ARFRP1: variants seen among roughly 807,000 people sequenced by gnomAD.
ARFRP1 encodes the protein ADP-ribosylation factor-related protein 1.
Under a neutral mutation model 30.3 loss-of-function variants are expected in ARFRP1, and 19 were observed. The observed-to-expected ratio is 0.63, with a 90% CI of 0.44 to 0.92. ARFRP1 has a LOEUF of 0.92. ARFRP1 is among the 40% of genes least tolerant of loss of function. The probability of loss-of-function intolerance (pLI) is 0.00; values close to 1 mark genes in which losing one functional copy is unlikely to be tolerated. For synonymous variants in ARFRP1, 133 were observed against 114.2 expected, an observed-to-expected ratio of 1.16 and a Z score of -1.05; for missense variants, 245 against 267.5, an observed-to-expected ratio of 0.92 and a Z score of 0.59.
rs1436699384 is a variant in ARFRP1, at chr20:63,702,181, C to T, written c.301G>A (p.Asp101Asn). The T allele has an allele frequency of 6.2e-7, 1 of 1,612,086 alleles. No homozygotes were observed. Among genetic ancestry groups the T allele is most frequent in the South Asian group, 1.1e-5 (1 of 91,066 alleles). ...GCCAGCCTCTCCTCGTCGGTGGAGT[C>T]AATGACGTAGATGACGCCGTGACAC... ...AECHGVIYVI[D>N]STDEERLAES... Residue 101 changes from aspartate to asparagine, a missense_variant, in exon 5 of 8, where the codon GAC becomes AAC. Transcript: ENST00000622789.
In ARFRP1 at chr20:63,700,299, A is replaced by G; in HGVS notation, c.*144T>C. 1 of 1,231,820 alleles carries G rather than the reference A, an allele frequency of 8.1e-7. No homozygotes were observed. Among genetic ancestry groups the G allele is most frequent in the Non-Finnish European group, 1.1e-6 (1 of 894,834 alleles). 76.3% of individuals were successfully genotyped at this position (1,231,820 alleles called of 1,614,324 possible). A position where few individuals can be genotyped will look rare whatever the true frequency, so the allele number is the denominator to read the frequency against. ...CCTACGCTTTTCCAGACATAGAGGA[A>G]AGTTTGTCTTCGAGAAAACAAAGTA... On this transcript the variant is annotated 3_prime_UTR_variant, in exon 8 of 8. Coordinates refer to ENST00000622789, the MANE Select transcript of ARFRP1 (RefSeq NM_001267547.3).
intron 5 of ARFRP1, 98 bp from the exon 6 acceptor site, chr20:63,701,998 G>GGGGGCCCCCCCCCCCCC: frequency 1.7e-6 from 1 of 583,914 alleles, no homozygotes; most frequent in Non-Finnish European, 2.6e-6. Context: ...CACTCCCTCT[G>GGGGGCCCCCCCCCCCCC]CCCCCCCCCC....
At position 63,706,984 on chromosome 20, in the gene ARFRP1, G is replaced by A. The variant is rs2091509250; in HGVS notation, c.93+15C>T. 1 of 1,613,034 alleles carries A rather than the reference G, an allele frequency of 6.2e-7. No individual in the cohort carries two copies. Among genetic ancestry groups the A allele is most frequent in the East Asian group, 2.2e-5 (1 of 44,874 alleles). On this transcript the variant is annotated intron_variant, in intron 2 of 7. Coordinates refer to ENST00000622789, the MANE Select transcript of ARFRP1 (RefSeq NM_001267547.3). The stretch of plus-strand genomic sequence containing the variant: ...AGGCCGTGGGAAAGGTGCGCGCAAG[G>A]GCGTGGGCACTCACCGTCTTCCCAG...
intron 2 of ARFRP1, 107 bp from the exon 3 acceptor site, chr20:63,706,845 C>T (rs1568772158): frequency 7.8e-7 from 1 of 1,275,054 alleles, no homozygotes; most frequent in Non-Finnish European, 1.1e-6. Context: ...AACAGAGCAA[C>T]ACTCTGCTCT....
rs1267637990 is a variant in ARFRP1, at chr20:63,705,897, G to A, written c.264+460C>T. ...GAACATTCCCAGACACTTGTAAGAT[G>A]TTTAGGTTGTTAACATAATGTTCAG... On this transcript the variant is annotated intron_variant, in intron 4 of 7. Transcript: ENST00000622789. 7.8e-6 allele frequency: 3 copies of A among 385,946 alleles called. No individual in the cohort carries two copies. In the Admixed American group the frequency reaches 1.1e-4, roughly 14 times the overall value. The allele number at this position is 385,946 out of a possible 1,614,324, so 23.9% of individuals were successfully genotyped here.
In ARFRP1 at chr20:63,698,682, A is replaced by C. The variant is rs1482027480; in HGVS notation, c.*1761T>G. The C allele has an allele frequency of 3.2e-6, 4 of 1,249,750 alleles. No individual in the cohort carries two copies. The East Asian group carries it at 1.3e-4, about 39-fold the overall frequency. 77.4% of individuals were successfully genotyped at this position (1,249,750 alleles called of 1,614,324 possible). On this transcript the variant is annotated 3_prime_UTR_variant, in exon 8 of 8. Coordinates refer to ENST00000622789, the MANE Select transcript of ARFRP1 (RefSeq NM_001267547.3). ...CTTATTTTTATAAAGCTTTTTCATA[A>C]AACTGGTTGTAGTTGCACAGCTACT...
At position 63,702,150 on chromosome 20, in the gene ARFRP1, G is replaced by C; in HGVS notation, c.332C>G (p.Ser111Cys). 1 of 1,610,976 alleles carries C rather than the reference G, an allele frequency of 6.2e-7. No individual in the cohort carries two copies. ...DSTDEERLAESKQAFEKVVTS... is the reference protein window; with the variant it reads ...DSTDEERLAECKQAFEKVVTS... ...GCCGCACTCACCAAACGCCTGCTTG[G>C]ACTCAGCCAGCCTCTCCTCGTCGGT... The change falls in exon 5 of 8, where the codon TCC becomes TGC. Residue 111 changes from serine to cysteine, a missense_variant. Ser to Cys is a moderately radical substitution (Grantham distance 112). Transcript: ENST00000622789.
intron 2 of ARFRP1, 119 bp downstream of exon 2, chr20:63,706,880 T>C (rs1329224532): frequency 1.1e-5 from 15 of 1,314,218 alleles, no homozygotes; most frequent in African/African-American, 2.9e-5. Context: ...GTGACTATCC[T>C]GCCGTCTCAG....
chr20:63,701,363 C>T (rs1203453868), intron 6 of ARFRP1: 1 of 537,840 alleles, frequency 1.9e-6, no homozygotes, highest in Non-Finnish European at 3.8e-6. Flanking sequence ...GTGGCCAGTG[C>T]TCCCGGGGGC....
In ARFRP1 at chr20:63,700,226, G is replaced by A. The variant is rs889961701; in HGVS notation, c.*217C>T. 3.0e-6 allele frequency: 2 copies of A among 658,372 alleles called. No homozygotes were observed. The highest frequency in any genetic ancestry group is 3.0e-5 in the Admixed American group (1 of 33,644). 40.8% of individuals were successfully genotyped at this position (658,372 alleles called of 1,614,324 possible). Reference sequence around the variant, plus strand: ...CCCTGTGGAAAGGCTGCCGCTGCAGGGCCTGGGCCAGCCGGGCTGCCAGAC... The same window carrying A: ...CCCTGTGGAAAGGCTGCCGCTGCAGAGCCTGGGCCAGCCGGGCTGCCAGAC... On this transcript the variant is annotated 3_prime_UTR_variant, in exon 8 of 8. Transcript: ENST00000622789.
rs1467030674 is a variant in ARFRP1, at chr20:63,700,513, C to T, written c.536G>A (p.Gly179Asp). Residue 179 changes from glycine (G) to aspartate (D), a missense_variant, in exon 8 of 8, where the codon GGC becomes GAC. Coordinates refer to ENST00000622789, the MANE Select transcript of ARFRP1 (RefSeq NM_001267547.3). ...GACACACTTCACCATCCACTCGATG[C>T]CCTCGCGCACCCCTTTGCTGTGAAG... ...SALTGKGVRE[G>D]IEWMVKCVVR... 1.2e-6 allele frequency: 2 copies of T among 1,610,798 alleles called. No individual in the cohort carries two copies. The highest frequency in any genetic ancestry group is 1.7e-6 in the Non-Finnish European group (2 of 1,179,858).
intron 4 of ARFRP1, chr20:63,704,004 T>A (rs1374398983): frequency 6.6e-6 from 1 of 151,596 alleles, no homozygotes; most frequent in African/African-American, 2.4e-5. Flanking sequence ...TGGGTCTGAG[T>A]TTTTCTCCCC....
chr20:63,702,455 T>C, intron 4 of ARFRP1: 1 of 545,676 alleles, frequency 1.8e-6, no homozygotes, highest in Non-Finnish European at 3.3e-6. Flanking sequence ...TGGCCAAAGG[T>C]GAAAGACAGG....
Position 63,698,654 on chromosome 20 carries a change from A to G in ARFRP1, c.*1789T>C. ...TAAATAGAAGAAATGAGGTTTCTTA[A>G]AGCTTATTTTTATAAAGCTTTTTCA... On this transcript the variant is annotated 3_prime_UTR_variant, in exon 8 of 8. Coordinates refer to ENST00000622789, the MANE Select transcript of ARFRP1 (RefSeq NM_001267547.3). The G allele has an allele frequency of 7.5e-7, 1 of 1,325,460 alleles. No homozygotes were observed. The highest frequency in any genetic ancestry group is 9.8e-7 in the Non-Finnish European group (1 of 1,019,924). 82.1% of individuals were successfully genotyped at this position (1,325,460 alleles called of 1,614,324 possible).
chr20:63,701,998 G>GCCACCCCCCCCCCC, intron 5 of ARFRP1, 98 bp from the exon 6 acceptor site: 2 of 583,914 alleles, frequency 3.4e-6, no homozygotes, highest in South Asian at 2.1e-5. Flanking sequence ...CACTCCCTCT[G>GCCACCCCCCCCCCC]CCCCCCCCCC....
At chr20:63,705,834 G>C in intron 4 of ARFRP1, 1 of 499,288 alleles carries the variant, frequency 2.0e-6, no homozygotes, top group South Asian at 1.5e-5. Flanking sequence ...GACTTGGCCA[G>C]CGAGGTTGCC....
rs1021371634 is a variant in ARFRP1, at chr20:63,706,103, G to T, written c.264+254C>A. 6 of 451,306 alleles carry T rather than the reference G, an allele frequency of 1.3e-5. No individual in the cohort carries two copies. In the East Asian group the frequency reaches 2.8e-4, roughly 21 times the overall value. The allele number at this position is 451,306 out of a possible 1,614,324, so 28.0% of individuals were successfully genotyped here. ...TTGGCATTTAGTGATTCTTTCCCTG[G>T]AATTCTCCACTGGCCCCATCGCAGG... On this transcript the variant is annotated intron_variant, in intron 4 of 7. Coordinates refer to ENST00000622789, the MANE Select transcript of ARFRP1 (RefSeq NM_001267547.3).
intron 4 of ARFRP1, chr20:63,706,053 T>C (rs2091443825): frequency 2.6e-6 from 1 of 382,796 alleles, no homozygotes; most frequent in African/African-American, 2.1e-5. Context: ...CAGGTTCCCC[T>C]AATACATGCT....
At chr20:63,707,317 CGCAT>C in intron 1 of ARFRP1, 1 of 548,140 alleles carries the variant, frequency 1.8e-6, no homozygotes, top group East Asian at 3.0e-5. Flanking sequence ...GCGACCTCTC[CGCAT>C]ACACATCGGT....
Sources: gnomAD v4.1 joint callset for allele counts on GRCh38, gnomAD v4.1.1 for gene constraint, MANE v1.5 for transcripts, NCBI Gene and HGNC (gene_info 2026-07-23, HGNC 2026-07-21) for gene names.